Variants in DPH6 observed in about 807,000 individuals in gnomAD.
DPH6 encodes the protein diphthine--ammonia ligase.
A neutral mutation model predicts 38.2 loss-of-function variants in DPH6; 33 were observed. The ratio of observed to expected loss-of-function variants is 0.86; its 90% CI spans 0.65 to 1.15. The LOEUF (loss-of-function observed/expected upper bound fraction) is 1.15, where lower values mean the gene tolerates loss of function less well. Ranked by LOEUF, DPH6 falls within the 50% of genes most tolerant of loss-of-function variation. The probability of loss-of-function intolerance (pLI) is 0.00; values close to 1 mark genes in which losing one functional copy is unlikely to be tolerated. For synonymous variants in DPH6, 108 were observed against 103.0 expected (o/e 1.05, Z -0.30); for missense variants, 325 against 320.0 (o/e 1.02, Z -0.12).
At chr15:35,184,736 G>A in the DPH6 span, among the ~76,000 whole-genome samples, 72 of 152,202 alleles carry the variant, frequency 4.7e-4, no homozygotes, top group African/African-American at 1.7e-3. Context: ...AGAAGCCTGG[G>A]TTAATTTTTC....
chr15:35,504,277 T>G (rs1029680442), intron 3 of DPH6, among the ~76,000 whole-genome samples: 4 of 151,912 alleles, frequency 2.6e-5, no homozygotes, highest in Non-Finnish European at 4.4e-5. Context: ...TGCCACTACT[T>G]ATATATATCA....
chr15:35,168,889 A>C, the DPH6 span, among the ~76,000 whole-genome samples: 1 of 151,976 alleles, frequency 6.6e-6, no homozygotes, highest in Admixed American at 6.6e-5. Flanking sequence ...TCACATTTTC[A>C]TTGCTTTCTT....
At chr15:35,365,757 A>T (rs1595502794) in intron 3 of DPH6, 1 of 983,970 alleles carries the variant, frequency 1.0e-6, no homozygotes, top group Non-Finnish European at 1.2e-6. Context: ...TTTACTCGAG[A>T]CAGAAATGAG....
chr15:35,372,973 C>T (rs1332183045), intron 8 of DPH6, among the ~76,000 whole-genome samples: 1 of 151,938 alleles, frequency 6.6e-6, no homozygotes, highest in Non-Finnish European at 1.5e-5. Flanking sequence ...GGAATCTAAT[C>T]CAGAACTTTA....
the DPH6 span, among the ~76,000 whole-genome samples, chr15:35,199,821 T>G: frequency 6.7e-6 from 1 of 149,914 alleles, no homozygotes; most frequent in South Asian, 2.1e-4. Context: ...AATAGGAGAG[T>G]GCATATGTAA....
the DPH6 span, among the ~76,000 whole-genome samples, chr15:35,187,298 T>C: frequency 1.3e-5 from 2 of 152,164 alleles, no homozygotes; most frequent in Admixed American, 1.3e-4. Context: ...ATAAACCTAG[T>C]CTAAAGCCTG....
chr15:35,484,527 C>T (rs2054370863), intron 3 of DPH6, among the ~76,000 whole-genome samples: 2 of 152,222 alleles, frequency 1.3e-5, no homozygotes, highest in South Asian at 2.1e-4. Flanking sequence ...TGAGGATGCT[C>T]AGTGGCAGTT....
chr15:35,253,279 G>A (rs960368809), intron 3 of DPH6, among the ~76,000 whole-genome samples: 1 of 152,184 alleles, frequency 6.6e-6, no homozygotes, highest in Admixed American at 6.5e-5. Flanking sequence ...ATCATCAAGT[G>A]AAGTGAAGAA....
At chr15:35,439,926 T>C (rs1351260292) in intron 5 of DPH6, among the ~76,000 whole-genome samples, 1 of 152,244 alleles carries the variant, frequency 6.6e-6, no homozygotes, top group African/African-American at 2.4e-5. Context: ...AAAGTTATTT[T>C]GCAAACAACT....
At chr15:35,217,720 A>C (rs1439846375) in exon 4 of DPH6, 1 of 152,266 alleles carries the variant, frequency 6.6e-6, no homozygotes, top group Non-Finnish European at 1.5e-5. Flanking sequence ...GGTGTCCCAG[A>C]GCCATTTCAG....
chr15:35,145,531 C>T, the DPH6 span, among the ~76,000 whole-genome samples: 29,631 of 152,190 alleles, frequency 0.19, 3,496 homozygotes, highest in East Asian at 0.29. Flanking sequence ...ATTCTTTAAG[C>T]TGGCAGGCTA....
intron 5 of DPH6, among the ~76,000 whole-genome samples, chr15:35,434,244 C>T (rs967118067): frequency 2.6e-5 from 4 of 152,040 alleles, no homozygotes; most frequent in Admixed American, 2.6e-4. Flanking sequence ...TCTTCAATTC[C>T]TTATATTGAT....
intron 5 of DPH6, among the ~76,000 whole-genome samples, chr15:35,438,755 C>A (rs1369788394): frequency 6.6e-6 from 1 of 152,130 alleles, no homozygotes; most frequent in South Asian, 2.1e-4. Context: ...AAGTGTGGTG[C>A]CCCTTTTAGT....
At chr15:35,292,556 C>T (rs924824252) in intron 3 of DPH6, among the ~76,000 whole-genome samples, 7 of 152,100 alleles carry the variant, frequency 4.6e-5, no homozygotes, top group South Asian at 4.1e-4. Context: ...TTATTTTTTT[C>T]GGCTGCTGGC....
chr15:35,262,161 T>A (rs573185500), intron 3 of DPH6, among the ~76,000 whole-genome samples: 1 of 152,346 alleles, frequency 6.6e-6, no homozygotes, highest in East Asian at 1.9e-4. Context: ...TATATAGTTA[T>A]ACTTTTTTTC....
chr15:35,520,838 A>AAGG, intron 3 of DPH6: 1 of 985,040 alleles, frequency 1.0e-6, no homozygotes, highest in Non-Finnish European at 1.2e-6. Context: ...TAATACAGGT[A>AAGG]CCATAATAAA....
chr15:35,211,957 C>T, the DPH6 span, among the ~76,000 whole-genome samples: 11 of 152,168 alleles, frequency 7.2e-5, no homozygotes, highest in Non-Finnish European at 7.3e-5. Flanking sequence ...ATGTTAATTA[C>T]CAGACAAACA....
In DPH6 at chr15:35,371,925, AAGAG is replaced by A; in HGVS notation, c.*221_*224del. 1.6e-6 allele frequency: 2 copies of A among 1,235,886 alleles called. No homozygotes were observed. Among genetic ancestry groups the A allele is most frequent in the Non-Finnish European group, 2.0e-6 (2 of 981,476 alleles). The allele number at this position is 1,235,886 out of a possible 1,614,324, so 76.6% of individuals were successfully genotyped here. Reference sequence around the variant, plus strand: ...GGTCATAGGGAAGATGTGTTAACGAAAGAGAAAGAGTGAATTCCAAGAAAGTTGG... The same window carrying A: ...GGTCATAGGGAAGATGTGTTAACGAAAAAGAGTGAATTCCAAGAAAGTTGG... On this transcript the variant is annotated 3_prime_UTR_variant, in exon 9 of 9. Coordinates refer to ENST00000256538, the MANE Select transcript of DPH6 (RefSeq NM_080650.4).
chr15:35,341,903 T>C (rs1036846107), intron 3 of DPH6, among the ~76,000 whole-genome samples: 1 of 152,192 alleles, frequency 6.6e-6, no homozygotes, highest in Admixed American at 6.6e-5. Context: ...GCAGGTGTGC[T>C]GCACTGGGGG....
Sources: allele counts gnomAD v4.1 joint callset (sites outside exome capture counted in the v4.1 genomes callset), GRCh38; gene constraint gnomAD v4.1.1; transcripts MANE v1.5; gene names NCBI Gene and HGNC (gene_info 2026-07-23, HGNC 2026-07-21).